The following NEK11 variants were observed in gnomAD, a reference collection of about 807,000 sequenced individuals.
NEK11 encodes the protein serine/threonine-protein kinase Nek11.
NEK11 carries 72 observed loss-of-function variants against 80.7 expected under a neutral mutation model. The observed-to-expected ratio is 0.89, with a 90% CI of 0.74 to 1.08. The LOEUF is 1.08. Ranked by LOEUF, NEK11 falls within the 50% of genes least tolerant of loss-of-function variation. NEK11 has a pLI of 0.00. For missense variants in NEK11, 764 were observed against 763.6 expected (o/e 1.00, Z -0.01); for synonymous variants, 251 against 260.7 (o/e 0.96, Z 0.36).
intron 7 of NEK11, among the ~76,000 whole-genome samples, chr3:131,142,493 G>C (rs1223296126): frequency 6.6e-6 from 1 of 151,534 alleles, no homozygotes; most frequent in Non-Finnish European, 1.5e-5. Context: ...CAGCCATTCA[G>C]TCAAAATGTG....
intron 16 of NEK11, among the ~76,000 whole-genome samples, chr3:131,244,217 G>C (rs1000605549): frequency 6.6e-6 from 1 of 151,984 alleles, no homozygotes; most frequent in African/African-American, 2.4e-5. Context: ...TTTCAGGTGG[G>C]CAAACATTCA....
At chr3:131,107,405 A>G (rs1022725837) in intron 4 of NEK11, among the ~76,000 whole-genome samples, 7 of 150,486 alleles carry the variant, frequency 4.7e-5, no homozygotes, top group African/African-American at 1.5e-4. Flanking sequence ...AGCTTCACTG[A>G]TATTTCTTTA....
At chr3:131,324,805 T>C (rs1165483935) in intron 17 of NEK11, among the ~76,000 whole-genome samples, 1 of 152,056 alleles carries the variant, frequency 6.6e-6, no homozygotes, top group African/African-American at 2.4e-5. Context: ...GACAACTCCT[T>C]CCCCCTCTGA....
intron 10 of NEK11, among the ~76,000 whole-genome samples, chr3:131,161,149 C>CA (rs371334381): frequency 0.51 from 58,843 of 114,642 alleles, 14,624 homozygotes; most frequent in Middle Eastern, 0.68. Flanking sequence ...GACTCCATCT[C>CA]AAAAAAAAAA....
intron 15 of NEK11, among the ~76,000 whole-genome samples, chr3:131,240,860 T>G (rs550997054): frequency 6.6e-6 from 1 of 152,204 alleles, no homozygotes; most frequent in African/African-American, 2.4e-5. Context: ...GATAACTAAA[T>G]GAAGATCTAC....
intron 2 of NEK11, among the ~76,000 whole-genome samples, chr3:131,028,289 T>C (rs939639650): frequency 4.6e-5 from 7 of 152,214 alleles, no homozygotes; most frequent in African/African-American, 1.7e-4. Context: ...ATTGCCCTAG[T>C]AGTTTTTGTG....
At position 131,207,586 on chromosome 3, in the gene NEK11, A is replaced by G. The variant is rs546937556; in HGVS notation, c.1400-20942A>G. ...AGAGTGAGACTCTATCTCAAGAAAA[A>G]AAAAAAGTGTTCCTATTTCTCCACA... On this transcript the variant is annotated intron_variant, in intron 14 of 17. Transcript: ENST00000383366. Among the ~76,000 whole-genome samples the G allele has an allele frequency of 1.4e-4, 21 of 151,980 alleles. No individual in the cohort carries two copies. In the South Asian group the frequency reaches 4.4e-3, roughly 32 times the overall value.
chr3:131,327,559 A>G (rs1197946947), intron 17 of NEK11: 1 of 152,148 alleles, frequency 6.6e-6, no homozygotes, highest in Non-Finnish European at 1.5e-5. Flanking sequence ...TTGTCAAGCT[A>G]AGAGGGTAGA....
rs1408386505 is a variant in NEK11, at chr3:131,165,326, CCAGT to C, written c.1083-94_1083-91del. 6 of 735,016 alleles carry C rather than the reference CCAGT, an allele frequency of 8.2e-6. No individual in the cohort carries two copies. In the African/African-American group the frequency reaches 8.8e-5, roughly 11 times the overall value. 45.5% of individuals were successfully genotyped at this position (735,016 alleles called of 1,614,324 possible). A position where few individuals can be genotyped will look rare whatever the true frequency, so the allele number is the denominator to read the frequency against. ...CCTGATGGCCTGGCTTTCTAATCCC[CCAGT>C]CAGTCTGTTGAAATAAGGATCACAC... On this transcript the variant is annotated intron_variant, in intron 11 of 17. Coordinates refer to ENST00000383366, the MANE Select transcript of NEK11 (RefSeq NM_024800.5).
chr3:131,031,315 G>T lies in NEK11; in HGVS notation c.170+1437G>T, dbSNP rs557477591. On this transcript the variant is annotated intron_variant, in intron 3 of 17. Transcript: ENST00000383366. Reference sequence around the variant, plus strand: ...ATGCATTATGATTCCTGCTGAAAAGGATTTTTTCTCTTTAATCCTAGAGGT... The same window carrying T: ...ATGCATTATGATTCCTGCTGAAAAGTATTTTTTCTCTTTAATCCTAGAGGT... Among the ~76,000 whole-genome samples the T allele has an allele frequency of 4.6e-5, 7 of 152,256 alleles. No homozygotes were observed. In the East Asian group the frequency reaches 1.3e-3, roughly 29 times the overall value.
At chr3:131,049,978 AT>A (rs1368798444) in intron 3 of NEK11, among the ~76,000 whole-genome samples, 1 of 149,806 alleles carries the variant, frequency 6.7e-6, no homozygotes, top group Non-Finnish European at 1.5e-5. Context: ...AAAAAAAAAA[AT>A]CAAAAGGCAT....
At chr3:131,145,111 C>T (rs1427749117) in intron 7 of NEK11, among the ~76,000 whole-genome samples, 1 of 152,060 alleles carries the variant, frequency 6.6e-6, no homozygotes. Flanking sequence ...TCAAGTGATC[C>T]TCCCACTCCA....
At chr3:131,342,932 T>C (rs551462211) in intron 17 of NEK11, among the ~76,000 whole-genome samples, 2 of 152,300 alleles carry the variant, frequency 1.3e-5, no homozygotes, top group African/African-American at 4.8e-5. Context: ...AGAAAAAATA[T>C]ATGTATACAA....
In NEK11 at chr3:131,349,881, C is replaced by T. The variant is rs1165790553; in HGVS notation, c.*105C>T. On this transcript the variant is annotated 3_prime_UTR_variant, in exon 18 of 18. Transcript: ENST00000383366. ...ATGGGGAATGGATACAAAAGCAGAG[C>T]TCCCATCTTGACTTTCAATTCCTCA... The T allele has an allele frequency of 4.8e-6, 4 of 836,842 alleles. No homozygotes were observed. Among genetic ancestry groups the T allele is most frequent in the African/African-American group, 1.7e-5 (1 of 58,426 alleles). 51.8% of individuals were successfully genotyped at this position (836,842 alleles called of 1,614,324 possible).
Position 131,110,520 on chromosome 3 carries a change from C to T in NEK11, c.455+599C>T, listed in dbSNP as rs569388802. On this transcript the variant is annotated intron_variant, in intron 5 of 17. Coordinates refer to ENST00000383366, the MANE Select transcript of NEK11 (RefSeq NM_024800.5). ...TCTGCCTCAAAAATGTATTTTAAAA[C>T]TTTTAATGAATTTTTATAGGTCAAA... Among the ~76,000 whole-genome samples, 170 of 152,190 alleles carry T rather than the reference C, an allele frequency of 1.1e-3. 1 individual carries two copies. The highest frequency in any genetic ancestry group is 1.7e-3 in the Non-Finnish European group (113 of 67,964).
chr3:131,264,451 A>G (rs2096004724), intron 16 of NEK11, among the ~76,000 whole-genome samples: 2 of 152,180 alleles, frequency 1.3e-5, no homozygotes, highest in Admixed American at 1.3e-4. Context: ...TTTTCCCAGC[A>G]CCATTTATTA....
chr3:131,253,879 T>A (rs770053895), intron 16 of NEK11, among the ~76,000 whole-genome samples: 9 of 152,198 alleles, frequency 5.9e-5, no homozygotes, highest in Non-Finnish European at 1.3e-4. Flanking sequence ...TTCTTTCTAG[T>A]TAACACCAAT....
chr3:131,276,856 G>C (rs1289692990), intron 17 of NEK11, among the ~76,000 whole-genome samples: 1 of 152,028 alleles, frequency 6.6e-6, no homozygotes, highest in South Asian at 2.1e-4. Flanking sequence ...ACCCATTATA[G>C]CAATTGTTTT....
intron 12 of NEK11, among the ~76,000 whole-genome samples, chr3:131,166,224 A>G (rs748517496): frequency 1.2e-4 from 19 of 152,254 alleles, no homozygotes; most frequent in Non-Finnish European, 2.2e-4. Context: ...CCATTTTTAT[A>G]GAGAACTTCT....
Sources: gnomAD v4.1 joint callset for allele counts (sites outside exome capture counted in the v4.1 genomes callset) on GRCh38, gnomAD v4.1.1 for gene constraint, MANE v1.5 for transcripts, NCBI Gene and HGNC (gene_info 2026-07-23, HGNC 2026-07-21) for gene names.